SEZ6L: variants seen among roughly 807,000 people sequenced by gnomAD.
The protein encoded by SEZ6L is seizure 6-like protein.
Under a neutral mutation model 106.2 loss-of-function variants are expected in SEZ6L, and 37 were observed. The observed-to-expected ratio is 0.35, with a 90% confidence interval of 0.27 to 0.46. The LOEUF is 0.46. SEZ6L is among the 20% of genes least tolerant of loss of function. The probability of loss-of-function intolerance (pLI) is 1.00; values close to 1 mark genes in which losing one functional copy is unlikely to be tolerated. For missense variants in SEZ6L, 1,172 were observed against 1,332.8 expected (o/e 0.88, Z 1.88); for synonymous variants, 541 against 570.4 (o/e 0.95, Z 0.73).
intron 1 of SEZ6L, among the ~76,000 whole-genome samples, chr22:26,263,208 C>T (rs914486978): frequency 5.3e-5 from 8 of 152,236 alleles, no homozygotes; most frequent in East Asian, 1.9e-4. Context: ...GCAGAGTTTA[C>T]AGTCCTGCAT....
chr22:26,292,104 T>C lies in SEZ6L; in HGVS notation c.95-302T>C, dbSNP rs933247516. 1.3e-5 allele frequency: 3 copies of C among 227,026 alleles called. No individual in the cohort carries two copies. The African/African-American group carries it at 1.3e-4, about 10-fold the overall frequency. 14.1% of individuals were successfully genotyped at this position (227,026 alleles called of 1,614,324 possible). A position where few individuals can be genotyped will look rare whatever the true frequency, so the allele number is the denominator to read the frequency against. ...AAGGAGGAAGGAAGAAAGAAAAAAA[T>C]GGAAGGGGAAAGGAAGGAGGGAGGG... On this transcript the variant is annotated intron_variant, in intron 1 of 16. Transcript: ENST00000248933.
At chr22:26,298,850 C>T in intron 4 of SEZ6L, 134 bp from the exon 5 acceptor site, 1 of 697,812 alleles carries the variant, frequency 1.4e-6, no homozygotes. Context: ...ACAAAAATAC[C>T]ATTCTCCAGA....
At chr22:26,275,578 G>T (rs961804907) in intron 1 of SEZ6L, among the ~76,000 whole-genome samples, 2 of 152,140 alleles carry the variant, frequency 1.3e-5, no homozygotes, top group Non-Finnish European at 2.9e-5. Context: ...CTTCCCAAAG[G>T]CTGCAGAGTG....
intron 1 of SEZ6L, among the ~76,000 whole-genome samples, chr22:26,266,422 AT>A (rs1485629187): frequency 1.7e-4 from 26 of 150,746 alleles, no homozygotes; most frequent in African/African-American, 6.1e-4. Context: ...AAATACAAAA[AT>A]TTAGCCGGGC....
At chr22:26,375,804 G>T in intron 15 of SEZ6L, 115 bp downstream of exon 15, 1 of 691,908 alleles carries the variant, frequency 1.4e-6, no homozygotes. Context: ...GGGCATAGTG[G>T]CATTTGTGTT....
At chr22:26,348,691 A>C (rs866305504) in intron 11 of SEZ6L, among the ~76,000 whole-genome samples, 8 of 87,124 alleles carry the variant, frequency 9.2e-5, no homozygotes, top group African/African-American at 3.4e-4. Context: ...AGAAAGAAAG[A>C]AAGAAAGAAA....
chr22:26,261,868 A>C (rs2080019353), intron 1 of SEZ6L, among the ~76,000 whole-genome samples: 1 of 152,134 alleles, frequency 6.6e-6, no homozygotes, highest in South Asian at 2.1e-4. Flanking sequence ...TTGGACTGAG[A>C]TTATTGGAGG....
At chr22:26,350,300 T>A (rs2083233112) in intron 11 of SEZ6L, among the ~76,000 whole-genome samples, 2 of 151,708 alleles carry the variant, frequency 1.3e-5, no homozygotes, top group South Asian at 4.2e-4. Flanking sequence ...CCATAATGGC[T>A]CACTGCAGCC....
chr22:26,313,654 T>C (rs959786524), intron 8 of SEZ6L, 110 bp from the exon 9 acceptor site: 2 of 1,302,422 alleles, frequency 1.5e-6, no homozygotes, highest in East Asian at 2.4e-5. Flanking sequence ...CTGTCCACAG[T>C]ACACAGAGAT....
At chr22:26,355,659 G>A (rs2083415457) in intron 12 of SEZ6L, among the ~76,000 whole-genome samples, 5 of 152,242 alleles carry the variant, frequency 3.3e-5, no homozygotes, top group Admixed American at 3.3e-4. Flanking sequence ...GAGCTCAGGT[G>A]GCGGAGGTTG....
chr22:26,344,572 G>A (rs1325420397), intron 10 of SEZ6L, among the ~76,000 whole-genome samples: 2 of 152,202 alleles, frequency 1.3e-5, no homozygotes, highest in African/African-American at 2.4e-5. Flanking sequence ...GCATGAAATG[G>A]TAGATGGTGG....
intron 9 of SEZ6L, among the ~76,000 whole-genome samples, chr22:26,319,251 G>A (rs1344183014): frequency 6.6e-6 from 1 of 152,084 alleles, no homozygotes; most frequent in African/African-American, 2.4e-5. Flanking sequence ...CAGGGTCCAC[G>A]CCACCACTGC....
At chr22:26,355,834 G>A (rs966186774) in intron 12 of SEZ6L, among the ~76,000 whole-genome samples, 1 of 152,134 alleles carries the variant, frequency 6.6e-6, no homozygotes, top group South Asian at 2.1e-4. Flanking sequence ...TGGTCCCCTG[G>A]GACTGAAAGC....
At chr22:26,242,625 G>A (rs1190518816) in intron 1 of SEZ6L, 2 of 152,256 alleles carry the variant, frequency 1.3e-5, no homozygotes, top group African/African-American at 4.8e-5. Context: ...TTATTCTGGA[G>A]TTGGTTGCTC....
intron 1 of SEZ6L, among the ~76,000 whole-genome samples, chr22:26,234,913 G>C (rs538776954): frequency 1.3e-5 from 2 of 152,212 alleles, no homozygotes; most frequent in African/African-American, 4.8e-5. Flanking sequence ...AGTCTTGACA[G>C]ATTAGTAGGA....
chr22:26,180,675 G>A (rs1372939764), intron 1 of SEZ6L, among the ~76,000 whole-genome samples: 1 of 152,160 alleles, frequency 6.6e-6, no homozygotes, highest in Non-Finnish European at 1.5e-5. Context: ...ATTTAAAAGT[G>A]ATCCAGGCAT....
At position 26,293,101 on chromosome 22, in the gene SEZ6L, TCCA is replaced by T. The variant is rs764764626; in HGVS notation, c.794_796del (p.Thr265del). On this transcript the variant is annotated inframe_deletion, in exon 2 of 17. Coordinates refer to ENST00000248933, the MANE Select transcript of SEZ6L (RefSeq NM_021115.5). ...AGAGGAGAGCCAGGAGACCACTACC[TCCA>T]CCATTATCACCACCACGGTCATCAC... 5 of 1,599,964 alleles carry T rather than the reference TCCA, an allele frequency of 3.1e-6. No individual in the cohort carries two copies. The highest frequency in any genetic ancestry group is 4.2e-6 in the Non-Finnish European group (5 of 1,176,714).
At position 26,266,465 on chromosome 22, in the gene SEZ6L, C is replaced by T. The variant is rs541993776; in HGVS notation, c.95-25941C>T. On this transcript the variant is annotated intron_variant, in intron 1 of 16. Coordinates refer to ENST00000248933, the MANE Select transcript of SEZ6L (RefSeq NM_021115.5). ...GTGGGCGCCTGTAGTCCCAGCTACT[C>T]GGGAGGCTGAGGCAGGAGAATGGCG... 1.8e-3 allele frequency among the ~76,000 whole-genome samples: 268 copies of T among 150,798 alleles called. 1 individual carries two copies. The highest frequency in any genetic ancestry group is 0.01 in the Middle Eastern group (3 of 292).
At chr22:26,299,249 A>G in intron 5 of SEZ6L, 80 bp downstream of exon 5, 1 of 1,172,530 alleles carries the variant, frequency 8.5e-7, no homozygotes, top group South Asian at 3.0e-5. Context: ...ACCGAGAGTG[A>G]CCTCAGGGAA....
Sources: gnomAD v4.1 joint callset for allele counts (sites outside exome capture counted in the v4.1 genomes callset) on GRCh38, gnomAD v4.1.1 for gene constraint, MANE v1.5 for transcripts, NCBI Gene and HGNC (gene_info 2026-07-23, HGNC 2026-07-21) for gene names.